The following TMEM232 variants were observed in gnomAD, a reference collection of about 807,000 sequenced individuals.
The protein encoded by TMEM232 is transmembrane protein 232.
In TMEM232, 80 loss-of-function variants were observed where a neutral mutation model predicts 78.8. The ratio of observed to expected loss-of-function variants is 1.01; its 90% CI spans 0.85 to 1.22. The LOEUF (loss-of-function observed/expected upper bound fraction) is 1.22. TMEM232 is among the 50% of genes most tolerant of loss of function. The probability of loss-of-function intolerance (pLI) is 0.00; values close to 1 mark genes in which losing one functional copy is unlikely to be tolerated. For missense variants in TMEM232, 881 were observed against 742.2 expected (o/e 1.19, Z -2.17); for synonymous variants, 297 against 254.3 (o/e 1.17, Z -1.60).
intron 12 of TMEM232, among the ~76,000 whole-genome samples, chr5:110,477,116 G>A (rs529664683): frequency 6.6e-6 from 1 of 152,052 alleles, no homozygotes; most frequent in East Asian, 1.9e-4. Flanking sequence ...AACTGGCATT[G>A]CTAAATGAAA....
chr5:110,591,678 A>C (rs1358594091), intron 10 of TMEM232, among the ~76,000 whole-genome samples: 2 of 152,166 alleles, frequency 1.3e-5, no homozygotes, highest in African/African-American at 4.8e-5. Flanking sequence ...AATGAAAATA[A>C]GTTTTAGAAA....
intron 4 of TMEM232, among the ~76,000 whole-genome samples, chr5:110,640,512 CA>C (rs1471950731): frequency 1.3e-5 from 2 of 151,774 alleles, no homozygotes; most frequent in East Asian, 3.9e-4. Flanking sequence ...AAGTGGAAAA[CA>C]AATGGTCATT....
At chr5:110,680,253 C>G (rs1256415850) in intron 1 of TMEM232, among the ~76,000 whole-genome samples, 1 of 152,014 alleles carries the variant, frequency 6.6e-6, no homozygotes, top group African/African-American at 2.4e-5. Flanking sequence ...AAAAAATTAG[C>G]TGGGTGTGGT....
At chr5:110,404,261 A>G (rs924859103) in intron 2 of TMEM232, among the ~76,000 whole-genome samples, 2 of 152,048 alleles carry the variant, frequency 1.3e-5, no homozygotes, top group Non-Finnish European at 2.9e-5. Flanking sequence ...TCTTGCCTCC[A>G]ACATAGTCTC....
At chr5:110,409,600 CTT>C (rs1755914998) in intron 2 of TMEM232, among the ~76,000 whole-genome samples, 2 of 152,152 alleles carry the variant, frequency 1.3e-5, no homozygotes, top group African/African-American at 2.4e-5. Context: ...GAGGTTTACT[CTT>C]TTCAAAATGC....
chr5:110,533,751 A>C (rs1771902475), intron 11 of TMEM232, among the ~76,000 whole-genome samples: 1 of 151,956 alleles, frequency 6.6e-6, no homozygotes, highest in African/African-American at 2.4e-5. Flanking sequence ...TGATCTCCTG[A>C]CGTTCACCCC....
chr5:110,577,618 A>C (rs1208577249), intron 10 of TMEM232, among the ~76,000 whole-genome samples: 1 of 152,144 alleles, frequency 6.6e-6, no homozygotes, highest in Admixed American at 6.6e-5. Context: ...CATAGAATCA[A>C]CCTAAATGCT....
chr5:110,413,692 T>C (rs116234292), intron 2 of TMEM232, among the ~76,000 whole-genome samples: 1,762 of 152,260 alleles, frequency 0.012, 15 homozygotes, highest in Non-Finnish European at 0.017. Flanking sequence ...TCAGGATATG[T>C]TGGGTTATGT....
chr5:110,520,044 T>C (rs1300065115), intron 12 of TMEM232, among the ~76,000 whole-genome samples: 2 of 143,606 alleles, frequency 1.4e-5, no homozygotes, highest in South Asian at 2.3e-4. Flanking sequence ...TATGTATATA[T>C]ATATATAGAG....
chr5:110,601,075 G>C (rs903831939), intron 10 of TMEM232, among the ~76,000 whole-genome samples: 1 of 152,148 alleles, frequency 6.6e-6, no homozygotes, highest in Non-Finnish European at 1.5e-5. Flanking sequence ...TATCTCAATA[G>C]ATGCAGAAAA....
At chr5:110,437,528 C>T (rs1758570288) in intron 12 of TMEM232, among the ~76,000 whole-genome samples, 2 of 151,938 alleles carry the variant, frequency 1.3e-5, no homozygotes. Flanking sequence ...TTTCCAGTTT[C>T]AGTAATACTT....
intron 10 of TMEM232, among the ~76,000 whole-genome samples, chr5:110,579,754 A>G (rs1380494698): frequency 1.3e-5 from 2 of 151,662 alleles, no homozygotes; most frequent in African/African-American, 4.8e-5. Flanking sequence ...AAAAGAAGAC[A>G]GAGCAGGAAA....
intron 11 of TMEM232, among the ~76,000 whole-genome samples, chr5:110,550,385 T>G (rs1774300677): frequency 6.6e-6 from 1 of 152,116 alleles, no homozygotes; most frequent in South Asian, 2.1e-4. Context: ...ATGTCCAGCA[T>G]CATCATTCAG....
intron 1 of TMEM232, among the ~76,000 whole-genome samples, chr5:110,680,460 A>T (rs1267807584): frequency 1.3e-5 from 2 of 151,444 alleles, no homozygotes; most frequent in African/African-American, 4.8e-5. Flanking sequence ...TAACAAAATC[A>T]GAGCTTTGAC....
chr5:110,448,576 A>C (rs1411454952), intron 12 of TMEM232, among the ~76,000 whole-genome samples: 1 of 152,042 alleles, frequency 6.6e-6, no homozygotes. Flanking sequence ...AGAGAAAATA[A>C]CAAATGCTTA....
At chr5:110,505,483 G>A (rs545968656) in intron 12 of TMEM232, among the ~76,000 whole-genome samples, 1 of 152,058 alleles carries the variant, frequency 6.6e-6, no homozygotes, top group African/African-American at 2.4e-5. Flanking sequence ...CAACATGTCC[G>A]AAATACACAT....
chr5:110,527,518 C>T (rs931175557), intron 12 of TMEM232, among the ~76,000 whole-genome samples: 12 of 151,932 alleles, frequency 7.9e-5, no homozygotes, highest in African/African-American at 2.9e-4. Context: ...ACTATTTAGT[C>T]CAGGTAAGTT....
chr5:110,714,878 C>A (rs964800647), intron 1 of TMEM232, among the ~76,000 whole-genome samples: 2 of 152,084 alleles, frequency 1.3e-5, no homozygotes, highest in African/African-American at 4.8e-5. Flanking sequence ...ATTATCACAT[C>A]TGAAGATCCT....
rs115940186 is a variant in TMEM232, at chr5:110,513,685, A to G, written c.1703+14903T>C. 554 of 157,030 alleles carry G rather than the reference A, an allele frequency of 3.5e-3. 3 individuals are homozygous for G. Among genetic ancestry groups the G allele is most frequent in the Non-Finnish European group, 6.3e-3 (428 of 68,014 alleles). 9.7% of individuals were successfully genotyped at this position (157,030 alleles called of 1,614,324 possible). A position where few individuals can be genotyped will look rare whatever the true frequency, so the allele number is the denominator to read the frequency against. On this transcript the variant is annotated intron_variant, in intron 12 of 13. Coordinates refer to ENST00000455884, the MANE Select transcript of TMEM232 (RefSeq NM_001039763.4). The stretch of plus-strand genomic sequence containing the variant: ...TGCATATTAAAAAAGACAAAATACA[A>G]AAGATAAGTGTTGATGGGGATATGG...
Sources: allele counts gnomAD v4.1 joint callset (sites outside exome capture counted in the v4.1 genomes callset), GRCh38; gene constraint gnomAD v4.1.1; transcripts MANE v1.5; gene names NCBI Gene and HGNC (gene_info 2026-07-23, HGNC 2026-07-21).